Variants in BCAR3 observed in about 807,000 individuals in gnomAD.
The protein encoded by BCAR3 is BCAR3 adaptor protein, NSP family member.
BCAR3 carries 37 observed loss-of-function variants against 80.1 expected under a neutral mutation model. The ratio of observed to expected loss-of-function variants is 0.46; its 90% confidence interval spans 0.36 to 0.61. The LOEUF (loss-of-function observed/expected upper bound fraction) is 0.61. Among genes scored for constraint, BCAR3 ranks in the 20% least tolerant of loss-of-function variants. The pLI is 0.00. For synonymous variants in BCAR3, 389 were observed against 418.9 expected (o/e 0.93, Z 0.87); for missense variants, 978 against 1,068.2 (o/e 0.92, Z 1.18).
chr1:93,661,019 G>A (rs1045417512), intron 2 of BCAR3, among the ~76,000 whole-genome samples: 13 of 152,036 alleles, frequency 8.6e-5, no homozygotes, highest in African/African-American at 3.1e-4. Flanking sequence ...TGGGATTACA[G>A]GCACCCGCCA....
intron 2 of BCAR3, among the ~76,000 whole-genome samples, chr1:93,799,532 A>T (rs1162276511): frequency 1.3e-5 from 2 of 152,224 alleles, no homozygotes; most frequent in African/African-American, 4.8e-5. Flanking sequence ...ATCTGAATTT[A>T]TATGTATTTC....
chr1:93,756,085 G>C (rs748610641), intron 2 of BCAR3, among the ~76,000 whole-genome samples: 1 of 152,210 alleles, frequency 6.6e-6, no homozygotes, highest in African/African-American at 2.4e-5. Context: ...GTGAATTGTG[G>C]AGAACTGCCA....
At chr1:93,707,820 A>C (rs1462772180) in intron 2 of BCAR3, among the ~76,000 whole-genome samples, 1 of 152,214 alleles carries the variant, frequency 6.6e-6, no homozygotes, top group East Asian at 1.9e-4. Context: ...CGTAATATTA[A>C]ATGCTTGTAT....
intron 3 of BCAR3, among the ~76,000 whole-genome samples, chr1:93,636,302 G>A (rs1215641037): frequency 2.6e-5 from 4 of 152,242 alleles, no homozygotes; most frequent in South Asian, 2.1e-4. Flanking sequence ...CCTAACCTGC[G>A]CAACAAGCTC....
At chr1:93,689,042 T>A (rs1649074424) in intron 3 of BCAR3, among the ~76,000 whole-genome samples, 1 of 152,186 alleles carries the variant, frequency 6.6e-6, no homozygotes, top group South Asian at 2.1e-4. Context: ...ATCTACCATA[T>A]GGAAAGCATC....
At chr1:93,625,034 C>T (rs1005765662) in intron 3 of BCAR3, among the ~76,000 whole-genome samples, 1 of 152,148 alleles carries the variant, frequency 6.6e-6, no homozygotes, top group African/African-American at 2.4e-5. Context: ...CATGGTGAAA[C>T]CCCACCTCTA....
chr1:93,635,627 GCCC>G (rs776108391), intron 3 of BCAR3, among the ~76,000 whole-genome samples: 1 of 152,224 alleles, frequency 6.6e-6, no homozygotes, highest in Non-Finnish European at 1.5e-5. Context: ...CTGCATGTGG[GCCC>G]CAGAGCGGGC....
chr1:93,702,519 G>A (rs939217671), intron 3 of BCAR3, among the ~76,000 whole-genome samples: 1 of 151,888 alleles, frequency 6.6e-6, no homozygotes, highest in African/African-American at 2.4e-5. Context: ...GTGAGTCTGT[G>A]CTCATGGAGT....
intron 3 of BCAR3, among the ~76,000 whole-genome samples, chr1:93,608,584 T>A (rs1368712760): frequency 1.3e-5 from 2 of 152,110 alleles, no homozygotes; most frequent in Admixed American, 1.3e-4. Context: ...ACTAACAGAA[T>A]TTTCCCAAGA....
intron 2 of BCAR3, among the ~76,000 whole-genome samples, chr1:93,666,086 ATC>A (rs1157790716): frequency 4.6e-5 from 7 of 152,094 alleles, no homozygotes; most frequent in Non-Finnish European, 8.8e-5. Context: ...TTCTCCATCA[ATC>A]CTCCTCCACA....
rs1348411289 is a variant in BCAR3, at chr1:93,674,763, T to C, written c.168A>G (p.Lys56=). 2.5e-6 allele frequency: 4 copies of C among 1,612,024 alleles called. No individual in the cohort carries two copies. Among genetic ancestry groups the C allele is most frequent in the Non-Finnish European group, 3.4e-6 (4 of 1,179,438 alleles). The change falls in exon 2 of 12, where the codon AAA becomes AAG. Residue 56 remains lysine, a synonymous_variant. Transcript: ENST00000260502. ...CACAGGACCTTATGGGAGGAGGACC[T>C]TTTTTCTTCCGTGGAAGGGTGCCAT... ...SIHGTLPRKK[K]GPPPIRSCDD...
At chr1:93,711,853 A>C (rs1162961346) in intron 2 of BCAR3, among the ~76,000 whole-genome samples, 1 of 152,176 alleles carries the variant, frequency 6.6e-6, no homozygotes, top group Non-Finnish European at 1.5e-5. Context: ...GTGACCTGCA[A>C]AACATGGACA....
intron 2 of BCAR3, among the ~76,000 whole-genome samples, chr1:93,749,753 C>T (rs529705820): frequency 1.3e-5 from 2 of 152,064 alleles, no homozygotes; most frequent in Non-Finnish European, 2.9e-5. Flanking sequence ...TGTTTAATTT[C>T]CACTCACCAA....
At position 93,741,796 on chromosome 1, in the gene BCAR3, C is replaced by G. The variant is rs146818194; in HGVS notation, c.-62-35654G>C. 5.5e-3 allele frequency among the ~76,000 whole-genome samples: 837 copies of G among 152,292 alleles called. 9 individuals are homozygous for G. Among genetic ancestry groups the G allele is most frequent in the African/African-American group, 0.02 (813 of 41,556 alleles). On this transcript the variant is annotated intron_variant, in intron 2 of 13. Coordinates refer to the BCAR3 transcript ENST00000370244. Reference sequence around the variant, plus strand: ...ATGTTGGCCAGGCTGGTCTCATACTCCTGACCTCAGGTGTTCCACCCGCCT... The same window carrying G: ...ATGTTGGCCAGGCTGGTCTCATACTGCTGACCTCAGGTGTTCCACCCGCCT...
intron 2 of BCAR3, among the ~76,000 whole-genome samples, chr1:93,764,123 G>A (rs560750997): frequency 6.6e-6 from 1 of 152,026 alleles, no homozygotes; most frequent in South Asian, 2.1e-4. Flanking sequence ...TTCCAGACAG[G>A]CCCCTGTCTC....
At chr1:93,584,353 G>A (rs1291192283) in intron 5 of BCAR3, among the ~76,000 whole-genome samples, 1 of 152,210 alleles carries the variant, frequency 6.6e-6, no homozygotes, top group African/African-American at 2.4e-5. Flanking sequence ...CATGACCAAT[G>A]CAGCAGCTGA....
At chr1:93,677,300 C>G (rs1324958991) in intron 1 of BCAR3, among the ~76,000 whole-genome samples, 3 of 152,200 alleles carry the variant, frequency 2.0e-5, no homozygotes, top group Non-Finnish European at 4.4e-5. Flanking sequence ...GAAGTGACCC[C>G]ACAGGCTCAG....
intron 2 of BCAR3, among the ~76,000 whole-genome samples, chr1:93,721,001 G>T (rs77758813): frequency 6.6e-6 from 1 of 152,316 alleles, no homozygotes; most frequent in African/African-American, 2.4e-5. Flanking sequence ...AGCCAGCTCC[G>T]CAGGTGCTTC....
At position 93,747,637 on chromosome 1, in the gene BCAR3, G is replaced by A. The variant is rs868556840; in HGVS notation, c.-62-41495C>T. 5.3e-5 allele frequency among the ~76,000 whole-genome samples: 8 copies of A among 151,578 alleles called. 1 individual carries two copies. In the South Asian group the frequency reaches 8.3e-4, roughly 16 times the overall value. On this transcript the variant is annotated intron_variant, in intron 2 of 13. Coordinates refer to the BCAR3 transcript ENST00000370244. ...CTCCTAGTGAGTTTCCCTGCCTCTC[G>A]TCTCTCCCATTCCATATAATTTGAG...
Sources: allele counts gnomAD v4.1 joint callset (sites outside exome capture counted in the v4.1 genomes callset), GRCh38; gene constraint gnomAD v4.1.1; transcripts MANE v1.5; gene names NCBI Gene and HGNC (gene_info 2026-07-23, HGNC 2026-07-21).